MORN1: variants seen among roughly 807,000 people sequenced by gnomAD.
MORN1 encodes the protein MORN repeat-containing protein 1.
Under a neutral mutation model 61.9 loss-of-function variants are expected in MORN1, and 67 were observed. That is an observed-to-expected ratio of 1.08 (90% confidence interval 0.89 to 1.33). The LOEUF is 1.33. Among genes scored for constraint, MORN1 ranks in the 40% most tolerant of loss-of-function variants. MORN1 has a pLI of 0.00. For synonymous variants in MORN1, 301 were observed against 292.0 expected (o/e 1.03, Z -0.31); for missense variants, 752 against 691.2 (o/e 1.09, Z -0.99).
intron 8 of MORN1, among the ~76,000 whole-genome samples, chr1:2,364,043 G>A (rs891152193): frequency 1.3e-5 from 2 of 152,072 alleles, no homozygotes; most frequent in Non-Finnish European, 1.5e-5. Flanking sequence ...GCAAGACGAC[G>A]ATATGCTGTC....
chr1:2,384,008 C>A (rs1052978833), intron 6 of MORN1, among the ~76,000 whole-genome samples: 22 of 152,222 alleles, frequency 1.4e-4, no homozygotes, highest in Non-Finnish European at 2.8e-4. Context: ...CGTTGCTCTT[C>A]CTTCTCCTGC....
rs140436346 is a variant in MORN1 at position 2,367,095 on chromosome 1, TCTC to T, written c.745+5383_745+5385del. ...TTGTACACAACAAAATTCACATTCT[TCTC>T]AAGTGCACACAAACTCTTCCCGAAA... On this transcript the variant is annotated intron_variant, in intron 8 of 13. Coordinates refer to ENST00000378531, the MANE Select transcript of MORN1 (RefSeq NM_024848.3). 4.6e-3 allele frequency among the ~76,000 whole-genome samples: 695 copies of T among 152,182 alleles called. 9 individuals carry two copies. Among genetic ancestry groups the T allele is most frequent in the African/African-American group, 0.016 (660 of 41,532 alleles).
At chr1:2,388,176 G>A (rs979057440) in intron 3 of MORN1, 63 bp downstream of exon 3, 18 of 1,335,082 alleles carry the variant, frequency 1.3e-5, no homozygotes, top group Middle Eastern at 1.8e-4. Context: ...TAGACTCGGC[G>A]GACCAACTGA....
At chr1:2,335,404 G>A (rs1641243607) in intron 12 of MORN1, among the ~76,000 whole-genome samples, 2 of 152,176 alleles carry the variant, frequency 1.3e-5, no homozygotes, top group Admixed American at 1.3e-4. Flanking sequence ...AGAGGCAGAG[G>A]AGGTCTCGAG....
chr1:2,383,323 C>T (rs1642413560), intron 6 of MORN1, among the ~76,000 whole-genome samples: 1 of 152,216 alleles, frequency 6.6e-6, no homozygotes, highest in South Asian at 2.1e-4. Context: ...TGGCAAGCGT[C>T]TCCTGCACCT....
intron 12 of MORN1, among the ~76,000 whole-genome samples, chr1:2,331,503 C>A (rs1641147349): frequency 6.6e-6 from 1 of 152,224 alleles, no homozygotes; most frequent in African/African-American, 2.4e-5. Context: ...ACCCTCCTTT[C>A]TGGCCACCCT....
chr1:2,338,804 A>G (rs1641336451), intron 10 of MORN1, among the ~76,000 whole-genome samples: 1 of 152,132 alleles, frequency 6.6e-6, no homozygotes, highest in African/African-American at 2.4e-5. Context: ...TGGTGATCAC[A>G]ATGGCTGGTG....
At chr1:2,389,801 A>AC (rs1214922504) in intron 2 of MORN1, 124 bp downstream of exon 2, 1 of 831,994 alleles carries the variant, frequency 1.2e-6, no homozygotes, top group Non-Finnish European at 2.0e-6. Flanking sequence ...CCAGGGAAGC[A>AC]CCAGGGTACA....
chr1:2,346,111 G>C (rs61762093), intron 10 of MORN1, among the ~76,000 whole-genome samples: 84,720 of 146,724 alleles, frequency 0.58, 25,059 homozygotes, highest in South Asian at 0.72. Context: ...ACCTTCCTCA[G>C]ACAAAGCCAC....
At chr1:2,350,148 A>C (rs1347173652) in intron 10 of MORN1, among the ~76,000 whole-genome samples, 1 of 152,260 alleles carries the variant, frequency 6.6e-6, no homozygotes, top group Non-Finnish European at 1.5e-5. Flanking sequence ...AAAGGTTAAG[A>C]GACTAAATAT....
chr1:2,342,833 TTATTTTA>T (rs1430443734), intron 10 of MORN1, among the ~76,000 whole-genome samples: 76 of 124,554 alleles, frequency 6.1e-4, no homozygotes, highest in African/African-American at 1.8e-3. Flanking sequence ...ATATTTTATT[TTATTTTA>T]TATTTTATTT....
intron 10 of MORN1, among the ~76,000 whole-genome samples, chr1:2,343,989 G>A (rs865879742): frequency 2.0e-5 from 3 of 151,730 alleles, no homozygotes; most frequent in Non-Finnish European, 4.4e-5. Flanking sequence ...TGGGGCCAGG[G>A]GCAGGGTGGG....
intron 9 of MORN1, among the ~76,000 whole-genome samples, chr1:2,358,350 G>A (rs879640436): frequency 3.3e-4 from 50 of 152,270 alleles, no homozygotes; most frequent in South Asian, 1.7e-3. Flanking sequence ...GGGGCCGAGC[G>A]CTGGGGGAGA....
chr1:2,322,069 T>C (rs1640893410), intron 13 of MORN1: 4 of 985,402 alleles, frequency 4.1e-6, no homozygotes, highest in Non-Finnish European at 4.8e-6. Flanking sequence ...AGCCCCGCCC[T>C]GGCCCCTTCC....
chr1:2,364,048 G>A (rs1361496582), intron 8 of MORN1, among the ~76,000 whole-genome samples: 1 of 152,116 alleles, frequency 6.6e-6, no homozygotes, highest in African/African-American at 2.4e-5. Context: ...ACGACGATAT[G>A]CTGTCTACAA....
chr1:2,328,162 A>G lies in MORN1; in HGVS notation c.1251-4019T>C, dbSNP rs113055342. 8.5e-4 allele frequency among the ~76,000 whole-genome samples: 129 copies of G among 152,352 alleles called. 1 individual carries two copies. Among genetic ancestry groups the G allele is most frequent in the African/African-American group, 2.9e-3 (121 of 41,596 alleles). On this transcript the variant is annotated intron_variant, in intron 12 of 13. Transcript: ENST00000378531. ...TTTGCTGTCCTCAGTCTTCCAGTCCATGACGCGGACACGTTCCTCATGCAC... is the reference window on the plus strand; with the variant it reads ...TTTGCTGTCCTCAGTCTTCCAGTCCGTGACGCGGACACGTTCCTCATGCAC...
rs949413893 is a variant in MORN1, at chr1:2,362,018, G to A, written c.746-3303C>T. Among the ~76,000 whole-genome samples the A allele has an allele frequency of 5.3e-5, 8 of 152,346 alleles. No homozygotes were observed. In the South Asian group the frequency reaches 1.7e-3, roughly 32 times the overall value. ...GGAGGCTGAGGCAGGCGGATCACAA[G>A]GTCAGGAGTTTGAGACCGCCCTGGC... On this transcript the variant is annotated intron_variant, in intron 8 of 13. Transcript: ENST00000378531.
rs200396876 is a variant in MORN1, at chr1:2,336,698, G to A, written c.1170+19C>T. The stretch of plus-strand genomic sequence containing the variant: ...CTGAGTGATGTGGGGTGGCCTCCCC[G>A]CCCCCCGTGGGCACCCACCTTGTGG... On this transcript the variant is annotated intron_variant, in intron 11 of 13. Coordinates refer to ENST00000378531, the MANE Select transcript of MORN1 (RefSeq NM_024848.3). 5.0e-3 allele frequency: 7,773 copies of A among 1,545,604 alleles called. 26 individuals carry two copies. The highest frequency in any genetic ancestry group is 6.1e-3 in the Non-Finnish European group (6,916 of 1,142,742).
In MORN1 at chr1:2,387,258, G is replaced by A. The variant is rs1642524129; in HGVS notation, c.358+161C>T. ...CTGGTGTATGCCGGGCATAGGACAT[G>A]GCCTGGTGGTGCGGAGAAGAGGGCA... is the stretch of plus-strand genomic sequence containing the variant. On this transcript the variant is annotated intron_variant, in intron 4 of 13. Coordinates refer to ENST00000378531, the MANE Select transcript of MORN1 (RefSeq NM_024848.3). The A allele has an allele frequency of 4.6e-6, 3 of 652,242 alleles. No individual in the cohort carries two copies. The Admixed American group carries it at 7.0e-5, about 15-fold the overall frequency. The allele number at this position is 652,242 out of a possible 1,614,324, so 40.4% of individuals were successfully genotyped here. A position where few individuals can be genotyped will look rare whatever the true frequency, so the allele number is the denominator to read the frequency against.
Sources: gnomAD v4.1 joint callset for allele counts (sites outside exome capture counted in the v4.1 genomes callset) on GRCh38, gnomAD v4.1.1 for gene constraint, MANE v1.5 for transcripts, NCBI Gene and HGNC (gene_info 2026-07-23, HGNC 2026-07-21) for gene names.